CHD2: variants seen among roughly 807,000 people sequenced by gnomAD.
CHD2 encodes the protein ATP-dependent chromatin remodeler CHD2.
In CHD2, 28 loss-of-function variants were observed where a neutral mutation model predicts 243.9. The ratio of observed to expected loss-of-function variants is 0.11; its 90% CI spans 0.09 to 0.16. The LOEUF (loss-of-function observed/expected upper bound fraction) is 0.16. Ranked by LOEUF, CHD2 falls within the 10% of genes least tolerant of loss-of-function variation. CHD2 has a pLI of 1.00. For synonymous variants in CHD2, 775 were observed against 779.0 expected, an observed-to-expected ratio of 0.99 and a Z score of 0.09; for missense variants, 1,386 against 2,209.8, an observed-to-expected ratio of 0.63 and a Z score of 7.47.
At chr15:92,943,531 TA>T (rs1376664620) in intron 9 of CHD2, 2 of 162,070 alleles carry the variant, frequency 1.2e-5, no homozygotes, top group Non-Finnish European at 1.4e-5. Flanking sequence ...ATGATATACT[TA>T]AAACAAATTC....
At position 92,986,510 on chromosome 15, in the gene CHD2, C is replaced by T. The variant is rs12898449; in HGVS notation, c.3413+837C>T. ...ATATTTCAAAATACTGACAGAATAG[C>T]ATGTAACACATCCCCTCTTGTGCTT... On this transcript the variant is annotated intron_variant, in intron 26 of 38. Coordinates refer to ENST00000394196, the MANE Select transcript of CHD2 (RefSeq NM_001271.4). 5.9e-3 allele frequency among the ~76,000 whole-genome samples: 899 copies of T among 152,190 alleles called. 6 individuals carry two copies. The highest frequency in any genetic ancestry group is 0.012 in the Admixed American group (179 of 15,276).
intron 2 of CHD2, among the ~76,000 whole-genome samples, chr15:92,914,007 T>C (rs1256967942): frequency 6.6e-6 from 1 of 152,224 alleles, no homozygotes; most frequent in African/African-American, 2.4e-5. Flanking sequence ...TTCACATTTA[T>C]TATTGGGATT....
chr15:92,937,438 A>G (rs1455555537), intron 5 of CHD2, 80 bp from the exon 6 acceptor site: 1 of 1,023,086 alleles, frequency 9.8e-7, no homozygotes, highest in Non-Finnish European at 1.4e-6. Flanking sequence ...GGATAGTAAA[A>G]TTGAAATTGG....
In CHD2 at chr15:93,000,513, C is replaced by A. The variant is rs759081956; in HGVS notation, c.4010C>A (p.Ala1337Asp). The change falls in exon 32 of 39, where the codon GCC becomes GAC. Residue 1337 changes from alanine (A) to aspartate (D), a missense_variant and splice_region_variant. Ala to Asp is a moderately radical substitution (Grantham distance 126, BLOSUM62 -2). Transcript: ENST00000394196. ...TCATCATTTTCTCTCCTTTTCCAGG[C>A]CAAATTAAAGAAGCGGAAGCCTCGG... is the stretch of plus-strand genomic sequence containing the variant. ...KKGAVTGGEE[A>D]KLKKRKPRVK... 1.2e-6 allele frequency: 2 copies of A among 1,604,372 alleles called. No homozygotes were observed. Among genetic ancestry groups the A allele is most frequent in the African/African-American group, 2.7e-5 (2 of 74,190 alleles).
intron 2 of CHD2, among the ~76,000 whole-genome samples, chr15:92,914,735 A>G (rs1469880852): frequency 1.3e-5 from 2 of 152,286 alleles, no homozygotes; most frequent in South Asian, 2.1e-4. Flanking sequence ...ATTTCAACAC[A>G]TTGAGTATAA....
intron 10 of CHD2, chr15:92,945,146 G>T: frequency 6.6e-6 from 1 of 152,646 alleles, no homozygotes. Flanking sequence ...CACATAGCCA[G>T]GAGAGAGGAA....
At chr15:92,999,734 G>T (rs2054230109) in intron 31 of CHD2, among the ~76,000 whole-genome samples, 1 of 152,064 alleles carries the variant, frequency 6.6e-6, no homozygotes, top group Admixed American at 6.5e-5. Flanking sequence ...TTAGGCTCTG[G>T]AAAGGCAGAG....
intron 26 of CHD2, among the ~76,000 whole-genome samples, chr15:92,989,368 C>T (rs551529480): frequency 3.3e-5 from 5 of 152,210 alleles, no homozygotes; most frequent in East Asian, 1.9e-4. Flanking sequence ...TAATTTTTCC[C>T]GTGAAAAACT....
At chr15:92,927,986 G>A (rs112528259) in intron 4 of CHD2, among the ~76,000 whole-genome samples, 4,280 of 152,108 alleles carry the variant, frequency 0.028, 74 homozygotes, top group Non-Finnish European at 0.041. Flanking sequence ...TTCTGAATTA[G>A]GTTTATAGAC....
intron 2 of CHD2, among the ~76,000 whole-genome samples, chr15:92,918,836 TACAC>T (rs947742303): frequency 1.2e-4 from 18 of 151,556 alleles, no homozygotes; most frequent in Middle Eastern, 3.5e-3. Context: ...TATATATACA[TACAC>T]ACATATATAT....
At chr15:92,999,675 A>G (rs1366650578) in intron 31 of CHD2, among the ~76,000 whole-genome samples, 1 of 152,186 alleles carries the variant, frequency 6.6e-6, no homozygotes, top group East Asian at 1.9e-4. Context: ...TAATAGGGTC[A>G]TAAGTCTCAT....
In CHD2 at chr15:93,026,123, C is replaced by T. The variant is rs2054584975; in HGVS notation, c.*1418C>T. Reference sequence around the variant, plus strand: ...CTTTTCAATTGACTGATGCTGGGGCCTTCAGTTTTATTCTCAGTATAGATT... The same window carrying T: ...CTTTTCAATTGACTGATGCTGGGGCTTTCAGTTTTATTCTCAGTATAGATT... On this transcript the variant is annotated 3_prime_UTR_variant, in exon 39 of 39. Coordinates refer to ENST00000394196, the MANE Select transcript of CHD2 (RefSeq NM_001271.4). 1 of 152,606 alleles carries T rather than the reference C, an allele frequency of 6.6e-6. No individual in the cohort carries two copies. Among genetic ancestry groups the T allele is most frequent in the Non-Finnish European group, 1.5e-5 (1 of 68,050 alleles). The allele number at this position is 152,606 out of a possible 1,614,324, so 9.5% of individuals were successfully genotyped here. A position where few individuals can be genotyped will look rare whatever the true frequency, so the allele number is the denominator to read the frequency against.
chr15:92,924,448 T>A lies in CHD2; in HGVS notation c.190T>A (p.Ser64Thr), dbSNP rs2141746050. 6.2e-7 allele frequency: 1 copy of A among 1,614,122 alleles called. No homozygotes were observed. Among genetic ancestry groups the A allele is most frequent in the Non-Finnish European group, 8.5e-7 (1 of 1,180,004 alleles). The change falls in exon 3 of 39, where the codon TCG becomes ACG. Residue 64 changes from serine to threonine, a missense_variant. Ser to Thr is a moderately conservative substitution (Grantham distance 58, BLOSUM62 1). Transcript: ENST00000394196. Reference protein sequence around the residue: ...NSSSESSESQSESESESAGSK... With the variant: ...NSSSESSESQTESESESAGSK... ...CAGCTCTGAATCTTCTGAGAGTCAGTCGGAATCTGAGAGCGAATCAGCAGG... is the reference window on the plus strand; with the variant it reads ...CAGCTCTGAATCTTCTGAGAGTCAGACGGAATCTGAGAGCGAATCAGCAGG...
At chr15:92,939,047 C>CTT (rs34010474) in intron 6 of CHD2, among the ~76,000 whole-genome samples, 1,734 of 149,182 alleles carry the variant, frequency 0.012, 58 homozygotes, top group Admixed American at 0.068. Context: ...ACAAAAAACT[C>CTT]TTTTTTTTTT....
chr15:92,980,794 A>C, intron 22 of CHD2, 21 bp from the exon 23 acceptor site: 1 of 1,575,326 alleles, frequency 6.3e-7, no homozygotes. Context: ...TGTTTCTAAC[A>C]ACTACATTTT....
intron 5 of CHD2, among the ~76,000 whole-genome samples, chr15:92,929,600 T>TCC (rs2053127693): frequency 6.6e-6 from 1 of 152,180 alleles, no homozygotes; most frequent in Non-Finnish European, 1.5e-5. Flanking sequence ...CTTTATAACA[T>TCC]AGATTTATAT....
At chr15:92,952,425 A>C (rs1472803322) in intron 13 of CHD2, among the ~76,000 whole-genome samples, 1 of 152,202 alleles carries the variant, frequency 6.6e-6, no homozygotes, top group Non-Finnish European at 1.5e-5. Context: ...ATGTAGAATC[A>C]GTGGGAGCCC....
intron 26 of CHD2, among the ~76,000 whole-genome samples, chr15:92,988,826 C>T (rs144326322): frequency 2.0e-5 from 3 of 151,840 alleles, no homozygotes; most frequent in African/African-American, 7.2e-5. Flanking sequence ...AAAAAATGTC[C>T]GTTTTTAAAC....
In CHD2 at chr15:92,998,826, G is replaced by A. The variant is rs1471620935; in HGVS notation, c.4008+205G>A. Among the ~76,000 whole-genome samples the A allele has an allele frequency of 6.6e-6, 1 of 152,154 alleles. No homozygotes were observed. The highest frequency in any genetic ancestry group is 1.9e-4 in the East Asian group (1 of 5,182). ...AGGCCTGGCGCAGTGGCTCATGCCT[G>A]TAATCCCAGCACTTTGGGAGGCTGA... is the stretch of plus-strand genomic sequence containing the variant. On this transcript the variant is annotated intron_variant, in intron 31 of 38. Coordinates refer to ENST00000394196, the MANE Select transcript of CHD2 (RefSeq NM_001271.4). The surrounding 1 kb of genome is among the most constrained non-coding windows in gnomAD (Gnocchi z 5.1).
Sources: allele counts gnomAD v4.1 joint callset (sites outside exome capture counted in the v4.1 genomes callset), GRCh38; gene constraint gnomAD v4.1.1; non-coding constraint Gnocchi (gnomAD v3.1); transcripts MANE v1.5; gene names NCBI Gene and HGNC (gene_info 2026-07-23, HGNC 2026-07-21).